The following HERC1 variants were observed in gnomAD, a reference collection of about 807,000 sequenced individuals.
HERC1 encodes the protein probable E3 ubiquitin-protein ligase HERC1.
A neutral mutation model predicts 554.3 loss-of-function variants in HERC1; 160 were observed. The ratio of observed to expected loss-of-function variants is 0.29; its 90% CI spans 0.25 to 0.33. The LOEUF (loss-of-function observed/expected upper bound fraction) is 0.33, where lower values mean the gene tolerates loss of function less well. HERC1 is among the 10% of genes least tolerant of loss of function. The pLI, the probability that HERC1 is intolerant of heterozygous loss-of-function variation, is 1.00. For missense variants in HERC1, 4,919 were observed against 5,918.5 expected (o/e 0.83, Z 5.54); for synonymous variants, 2,175 against 2,131.7 (o/e 1.02, Z -0.56).
At chr15:63,652,352 A>G in intron 52 of HERC1, 62 bp downstream of exon 52, 2 of 1,490,134 alleles carry the variant, frequency 1.3e-6, no homozygotes, top group Non-Finnish European at 1.8e-6. Flanking sequence ...TAACACAACC[A>G]AGATGAGGCA....
intron 1 of HERC1, among the ~76,000 whole-genome samples, chr15:63,789,089 T>TGG (rs1567129103): frequency 9.2e-6 from 1 of 108,560 alleles, no homozygotes; most frequent in Non-Finnish European, 1.8e-5. Flanking sequence ...TTTTTTTTTT[T>TGG]TTTTTTTTTT....
chr15:63,665,899 T>C lies in HERC1; in HGVS notation c.8555+20A>G, dbSNP rs766759272. The C allele has an allele frequency of 2.5e-6, 4 of 1,582,676 alleles. No homozygotes were observed. The highest frequency in any genetic ancestry group is 3.5e-6 in the Non-Finnish European group (4 of 1,153,734). On this transcript the variant is annotated intron_variant, in intron 42 of 77. Coordinates refer to ENST00000443617, the MANE Select transcript of HERC1 (RefSeq NM_003922.4). ...AAATTTATAACACATGGAACAAAAG[T>C]ACAGAAACTGGAATTTCACCTTTCA...
chr15:63,800,821 CTAA>C (rs1191255741), intron 1 of HERC1, among the ~76,000 whole-genome samples: 1 of 152,148 alleles, frequency 6.6e-6, no homozygotes, highest in Non-Finnish European at 1.5e-5. Context: ...TGAGTTTATG[CTAA>C]TGAGGTGACT....
At chr15:63,826,784 T>TAAAA (rs71456333) in intron 1 of HERC1, among the ~76,000 whole-genome samples, 1 of 37,114 alleles carries the variant, frequency 2.7e-5, no homozygotes, top group African/African-American at 8.7e-5. Flanking sequence ...TTATCTCTGG[T>TAAAA]AAAAAAAAAA....
intron 1 of HERC1, among the ~76,000 whole-genome samples, chr15:63,821,337 G>A (rs1596325687): frequency 1.3e-5 from 2 of 151,766 alleles, no homozygotes; most frequent in Admixed American, 6.6e-5. Context: ...GGCGGATCAC[G>A]AGGTCAGGAG....
intron 74 of HERC1, among the ~76,000 whole-genome samples, chr15:63,619,663 T>C (rs556162114): frequency 6.6e-6 from 1 of 152,330 alleles, no homozygotes; most frequent in South Asian, 2.1e-4. Flanking sequence ...AATTATTGCC[T>C]CAATTTCAGA....
rs576288380 is a variant in HERC1, at chr15:63,636,246, A to C, written c.12233-104T>G. On this transcript the variant is annotated intron_variant, in intron 64 of 77. Transcript: ENST00000443617. ...CTCAATCAAAAACCACCGAATTGGT[A>C]CTATGAAAATAAGAATAATTTCATT... 1.1e-4 allele frequency: 105 copies of C among 930,182 alleles called. 1 individual carries two copies. The South Asian group carries it at 1.7e-3, about 15-fold the overall frequency. 57.6% of individuals were successfully genotyped at this position (930,182 alleles called of 1,614,324 possible).
intron 64 of HERC1, among the ~76,000 whole-genome samples, chr15:63,636,510 A>G (rs1313293717): frequency 6.6e-6 from 1 of 152,096 alleles, no homozygotes; most frequent in Non-Finnish European, 1.5e-5. Context: ...ACCTCAAGTG[A>G]TCCGCCCACC....
intron 25 of HERC1, among the ~76,000 whole-genome samples, chr15:63,701,660 C>T (rs2153078750): frequency 6.6e-6 from 1 of 152,146 alleles, no homozygotes; most frequent in African/African-American, 2.4e-5. Flanking sequence ...TGAAATTAAC[C>T]CAAATGTAAC....
At chr15:63,647,552 A>C (rs972554975) in intron 55 of HERC1, among the ~76,000 whole-genome samples, 1 of 152,244 alleles carries the variant, frequency 6.6e-6, no homozygotes, top group African/African-American at 2.4e-5. Context: ...CTGCACTCAT[A>C]CATTTATCAC....
chr15:63,810,063 TGAGG>T (rs1244684860), intron 1 of HERC1, among the ~76,000 whole-genome samples: 1 of 152,074 alleles, frequency 6.6e-6, no homozygotes, highest in Non-Finnish European at 1.5e-5. Flanking sequence ...TTAAAATGAA[TGAGG>T]AAGATCTACA....
chr15:63,649,434 C>A (rs1207365615), intron 54 of HERC1, among the ~76,000 whole-genome samples: 1 of 152,124 alleles, frequency 6.6e-6, no homozygotes, highest in African/African-American at 2.4e-5. Flanking sequence ...CTTGGACAGT[C>A]CTAACTTTCA....
At chr15:63,805,560 G>A (rs558058975) in intron 1 of HERC1, among the ~76,000 whole-genome samples, 10 of 152,212 alleles carry the variant, frequency 6.6e-5, no homozygotes, top group Non-Finnish European at 1.5e-5. Flanking sequence ...TGATTGTGGT[G>A]GTAGTTACAT....
rs2073677236 is a variant in HERC1 at position 63,718,649 on chromosome 15, G to A, written c.3903C>T (p.Tyr1301=). 3.1e-6 allele frequency: 5 copies of A among 1,598,358 alleles called. No individual in the cohort carries two copies. Among genetic ancestry groups the A allele is most frequent in the African/African-American group, 1.3e-5 (1 of 74,774 alleles). The change falls in exon 21 of 78, where the codon TAC becomes TAT. Residue 1301 remains tyrosine, a synonymous_variant. Transcript: ENST00000443617. The surrounding 1 kb of genome is among the most constrained non-coding windows in gnomAD (Gnocchi z 4.2). The stretch of plus-strand genomic sequence containing the variant: ...AAGCAAGTAAACGACTTCGAACTTT[G>A]TATACACAACGGTACACTTCTGATA... The part of the protein sequence containing the change: ...KHLSEVYRCV[Y]KVRSRLLACK...
In HERC1 at chr15:63,781,695, G is replaced by A. The variant is rs549927615; in HGVS notation, c.-26-6046C>T. On this transcript the variant is annotated intron_variant, in intron 1 of 77. Coordinates refer to ENST00000443617, the MANE Select transcript of HERC1 (RefSeq NM_003922.4). ...TGTTCAAGACAAAGGAAGACACCAT[G>A]TCCCTCACTTTAAATCAAAAGCCAG... Among the ~76,000 whole-genome samples the A allele has an allele frequency of 2.3e-4, 35 of 152,252 alleles. No individual in the cohort carries two copies. In the South Asian group the frequency reaches 7.0e-3, roughly 31 times the overall value.
intron 70 of HERC1, among the ~76,000 whole-genome samples, chr15:63,627,725 T>C (rs1364909753): frequency 6.8e-6 from 1 of 148,024 alleles, no homozygotes; most frequent in East Asian, 2.0e-4. Context: ...TGTGTAAGAA[T>C]GACAAATGTC....
intron 3 of HERC1, among the ~76,000 whole-genome samples, chr15:63,759,530 CCTTAT>C (rs1454170127): frequency 1.3e-5 from 2 of 152,074 alleles, no homozygotes; most frequent in African/African-American, 4.8e-5. Context: ...AGGAAGATGC[CCTTAT>C]CTTAACTTCA....
chr15:63,683,283 C>A (rs956822346), intron 34 of HERC1, among the ~76,000 whole-genome samples: 4 of 152,156 alleles, frequency 2.6e-5, no homozygotes, highest in South Asian at 4.2e-4. Flanking sequence ...TGCTTTTTGT[C>A]ACCAGTGGGT....
At position 63,694,455 on chromosome 15, in the gene HERC1, T is replaced by G; in HGVS notation, c.5337A>C (p.Leu1779=). 3.1e-6 allele frequency: 5 copies of G among 1,614,002 alleles called. No homozygotes were observed. The highest frequency in any genetic ancestry group is 4.2e-6 in the Non-Finnish European group (5 of 1,179,882). ...TACCACACAACTGTGACAATACGTT[T>G]AGCAGACCAGTGGAAATTGCCAAAG... ...DVSLAISTGL[L]NVLSQLCGTD... Residue 1779 remains leucine (L), a synonymous_variant, in exon 29 of 78, where the codon CTA becomes CTC. Transcript: ENST00000443617. The surrounding 1 kb of genome is among the most constrained non-coding windows in gnomAD (Gnocchi z 4.3).
Sources: allele counts gnomAD v4.1 joint callset (sites outside exome capture counted in the v4.1 genomes callset), GRCh38; gene constraint gnomAD v4.1.1; non-coding constraint Gnocchi (gnomAD v3.1); transcripts MANE v1.5; gene names NCBI Gene and HGNC (gene_info 2026-07-23, HGNC 2026-07-21).